CYRIB: variants seen among roughly 807,000 people sequenced by gnomAD.
CYRIB encodes CYFIP-related Rac1 interactor B.
Under a neutral mutation model 44.2 loss-of-function variants are expected in CYRIB, and 8 were observed. That is an observed-to-expected ratio of 0.18 (90% CI 0.11 to 0.33). The LOEUF is 0.33. CYRIB is among the 10% of genes least tolerant of loss of function. The probability of loss-of-function intolerance (pLI) is 1.00; values close to 1 mark genes in which losing one functional copy is unlikely to be tolerated. For missense variants in CYRIB, 185 were observed against 382.8 expected (o/e 0.48, Z 4.31); for synonymous variants, 131 against 127.2 (o/e 1.03, Z -0.20).
chr8:129,917,193 G>T (rs1317669660), intron 1 of CYRIB, among the ~76,000 whole-genome samples: 1 of 152,132 alleles, frequency 6.6e-6, no homozygotes, highest in Non-Finnish European at 1.5e-5. Flanking sequence ...TCTTAAAGAA[G>T]TTTATGTATT....
intron 1 of CYRIB, among the ~76,000 whole-genome samples, chr8:129,930,364 C>CA (rs1554659864): frequency 0.09 from 361 of 3,994 alleles, 12 homozygotes; most frequent in Middle Eastern, 0.17. Flanking sequence ...TTGTGAAGTG[C>CA]TTATATATAT....
At chr8:129,853,622 G>T (rs536879195) in intron 7 of CYRIB, among the ~76,000 whole-genome samples, 1 of 152,068 alleles carries the variant, frequency 6.6e-6, no homozygotes, top group Non-Finnish European at 1.5e-5. Flanking sequence ...ATTTTCTTCC[G>T]CTCTAGTTTT....
At chr8:129,893,714 A>G (rs2066510904) in intron 2 of CYRIB, among the ~76,000 whole-genome samples, 1 of 152,096 alleles carries the variant, frequency 6.6e-6, no homozygotes, top group Non-Finnish European at 1.5e-5. Flanking sequence ...AAAAATTATT[A>G]GATAGAGATG....
chr8:129,965,093 A>G (rs1007634180), intron 2 of CYRIB, among the ~76,000 whole-genome samples: 1 of 152,186 alleles, frequency 6.6e-6, no homozygotes, highest in African/African-American at 2.4e-5. Flanking sequence ...TTGGTTTCCC[A>G]TGGGGCATAT....
rs550276856 is a variant in CYRIB at position 129,893,328 on chromosome 8, A to G, written c.-11+9984T>C. On this transcript the variant is annotated intron_variant, in intron 2 of 11. Transcript: ENST00000519824. ...GATGAATACTGAATATCTGGTGCTG[A>G]GGAATTCACAGACAAGTGGAAGAGA... Among the ~76,000 whole-genome samples, 5 of 152,332 alleles carry G rather than the reference A, an allele frequency of 3.3e-5. No homozygotes were observed. In the East Asian group the frequency reaches 5.8e-4, roughly 18 times the overall value.
rs974333758 is a variant in CYRIB at position 129,885,850 on chromosome 8, AAAG to A, written c.-10-6382_-10-6380del. 5.3e-4 allele frequency among the ~76,000 whole-genome samples: 81 copies of A among 152,140 alleles called. 1 individual carries two copies. The highest frequency in any genetic ancestry group is 1.8e-3 in the African/African-American group (74 of 41,436). ...CCTTTCTCATGATCTCTTAAAAAAA[AAAG>A]AAGAAGAAAACCACAAAAACCCAAC... On this transcript the variant is annotated intron_variant, in intron 2 of 11. Coordinates refer to ENST00000519824, the Ensembl canonical transcript of CYRIB.
intron 1 of CYRIB, among the ~76,000 whole-genome samples, chr8:129,910,628 T>TAC (rs2077506542): frequency 6.6e-6 from 1 of 151,890 alleles, no homozygotes; most frequent in African/African-American, 2.4e-5. Context: ...CAAGACCATA[T>TAC]ACACACAAAA....
chr8:129,953,774 G>A (rs1290196015), intron 2 of CYRIB, among the ~76,000 whole-genome samples: 1 of 152,112 alleles, frequency 6.6e-6, no homozygotes, highest in Non-Finnish European at 1.5e-5. Context: ...TGGAACCAGG[G>A]AATCAGATAA....
rs1284151802 is a variant in CYRIB at position 129,862,383 on chromosome 8, G to A, written c.196-49C>T. 5.9e-6 allele frequency: 8 copies of A among 1,351,832 alleles called. 1 individual carries two copies. Among genetic ancestry groups the A allele is most frequent in the Non-Finnish European group, 4.2e-6 (4 of 961,330 alleles). 83.7% of individuals were successfully genotyped at this position (1,351,832 alleles called of 1,614,324 possible). On this transcript the variant is annotated intron_variant, in intron 4 of 11. Coordinates refer to ENST00000519824, the Ensembl canonical transcript of CYRIB. ...TAGTTAGAGTTAAAAAAAAAAAAAGGTTCATTTTTACATTAAAATGTAGGC... is the reference window on the plus strand; with the variant it reads ...TAGTTAGAGTTAAAAAAAAAAAAAGATTCATTTTTACATTAAAATGTAGGC...
intron 8 of CYRIB, 168 bp downstream of exon 10, chr8:129,851,994 G>T (rs138272808): frequency 7.4e-6 from 3 of 403,002 alleles, no homozygotes; most frequent in African/African-American, 4.1e-5. Flanking sequence ...CTGCAAATAC[G>T]TGGACAGGTG....
chr8:129,923,617 G>A lies in CYRIB; in HGVS notation c.-50+15991C>T, dbSNP rs192261593. On this transcript the variant is annotated intron_variant, in intron 1 of 11. Coordinates refer to ENST00000519824, the Ensembl canonical transcript of CYRIB. The stretch of plus-strand genomic sequence containing the variant: ...CTTATTTCATACACTTCCCTCACAC[G>A]TCAGTAAAACTACTTTTCATTCTTT... 3.7e-3 allele frequency among the ~76,000 whole-genome samples: 564 copies of A among 151,986 alleles called. 4 individuals are homozygous for A. Among genetic ancestry groups the A allele is most frequent in the African/African-American group, 0.013 (542 of 41,472 alleles).
At chr8:129,963,568 G>A (rs1432564959) in intron 2 of CYRIB, among the ~76,000 whole-genome samples, 1 of 152,204 alleles carries the variant, frequency 6.6e-6, no homozygotes, top group East Asian at 1.9e-4. Context: ...CAGAGCAATG[G>A]CGATTAAACC....
chr8:129,877,265 C>T (rs1379203834), intron 3 of CYRIB, among the ~76,000 whole-genome samples: 1 of 151,956 alleles, frequency 6.6e-6, no homozygotes, highest in Non-Finnish European at 1.5e-5. Context: ...ACAATATCTG[C>T]CTTTACAGTT....
At chr8:129,914,632 A>C (rs547744291) in intron 1 of CYRIB, among the ~76,000 whole-genome samples, 1 of 152,212 alleles carries the variant, frequency 6.6e-6, no homozygotes, top group Non-Finnish European at 1.5e-5. Flanking sequence ...AAAACACTTT[A>C]GTTTTCAAGG....
chr8:129,893,745 G>C (rs993716082), intron 2 of CYRIB, among the ~76,000 whole-genome samples: 6 of 151,842 alleles, frequency 4.0e-5, no homozygotes, highest in African/African-American at 1.5e-4. Flanking sequence ...ATGTTGTCCA[G>C]GCTGGACTTG....
chr8:129,879,319 A>G (rs1009709710), intron 3 of CYRIB, 70 bp downstream of exon 5: 2 of 1,013,332 alleles, frequency 2.0e-6, no homozygotes, highest in Non-Finnish European at 3.1e-6. Context: ...AAGTGGAAAC[A>G]TTCATTTAGT....
At chr8:129,851,021 G>A (rs925551642) in intron 8 of CYRIB, 107 bp from the exon 11 acceptor site, 1 of 694,408 alleles carries the variant, frequency 1.4e-6, no homozygotes, top group Non-Finnish European at 2.5e-6. Flanking sequence ...TTAAAACCTG[G>A]TTCCTACTCC....
At chr8:129,903,273 T>G (rs916124253) in intron 2 of CYRIB, 39 bp downstream of exon 4, 10 of 152,750 alleles carry the variant, frequency 6.5e-5, no homozygotes, top group African/African-American at 1.2e-4. Context: ...AACTTTTCAT[T>G]TATATTTGAA....
chr8:129,885,590 T>C (rs968099022), intron 2 of CYRIB, among the ~76,000 whole-genome samples: 2 of 152,180 alleles, frequency 1.3e-5, no homozygotes, highest in African/African-American at 4.8e-5. Flanking sequence ...TTTAGCAGTA[T>C]TCTGGGCCTC....
Sources: gnomAD v4.1 joint callset for allele counts (sites outside exome capture counted in the v4.1 genomes callset) on GRCh38, gnomAD v4.1.1 for gene constraint, MANE v1.5 for transcripts, NCBI Gene and HGNC (gene_info 2026-07-23, HGNC 2026-07-21) for gene names.